The following TLR1 variants were observed in gnomAD, a reference collection of about 807,000 sequenced individuals.
TLR1 encodes toll-like receptor 1.
A neutral mutation model predicts 20.2 loss-of-function variants in TLR1; 19 were observed. That is an observed-to-expected ratio of 0.94 (90% CI 0.66 to 1.38). TLR1 has a LOEUF of 1.38. Among genes scored for constraint, TLR1 ranks in the 40% most tolerant of loss-of-function variants. The probability of loss-of-function intolerance (pLI) is 0.00; values close to 1 mark genes in which losing one functional copy is unlikely to be tolerated. For missense variants in TLR1, 921 were observed against 910.0 expected (o/e 1.01, Z -0.16); for synonymous variants, 320 against 334.5 (o/e 0.96, Z 0.47).
At chr4:38,802,775 A>G (rs892841312) in intron 2 of TLR1, among the ~76,000 whole-genome samples, 27 of 152,226 alleles carry the variant, frequency 1.8e-4, no homozygotes, top group African/African-American at 6.0e-4. Flanking sequence ...TGACTCAGCG[A>G]GTTTAGAGCG....
downstream of TLR1, among the ~76,000 whole-genome samples, chr4:38,788,596 G>C (rs1386847324): frequency 6.6e-6 from 1 of 152,178 alleles, no homozygotes; most frequent in Non-Finnish European, 1.5e-5. Flanking sequence ...CCAGGGCTCT[G>C]CTAGAGCCAG....
intron 2 of TLR1, among the ~76,000 whole-genome samples, chr4:38,801,634 A>T (rs4540055): frequency 0.28 from 43,294 of 152,104 alleles, 6,997 homozygotes; most frequent in East Asian, 0.54. Flanking sequence ...TGATCAGCAC[A>T]GTCAGGCGTG....
At chr4:38,803,565 A>G (rs1219321002) in intron 2 of TLR1, among the ~76,000 whole-genome samples, 1 of 152,104 alleles carries the variant, frequency 6.6e-6, no homozygotes, top group Non-Finnish European at 1.5e-5. Flanking sequence ...AACCATTCTT[A>G]TTTCTATAAT....
In TLR1 at chr4:38,798,687, T is replaced by C. The variant is rs181364215; in HGVS notation, c.145A>G (p.Ile49Val). The C allele has an allele frequency of 1.5e-4, 237 of 1,614,052 alleles. No homozygotes were observed. The highest frequency in any genetic ancestry group is 5.3e-4 in the Admixed American group (32 of 60,024). The change falls in exon 4 of 4, where the codon ATC becomes GTC. Residue 49 changes from isoleucine to valine, a missense_variant. Coordinates refer to ENST00000308979, the MANE Select transcript of TLR1 (RefSeq NM_003263.4). Reference protein sequence around the residue: ...VPKDLSQKTTILNISQNYISE... With the variant: ...VPKDLSQKTTVLNISQNYISE... ...ATATAATTTTGCGATATATTTAAGA[T>C]TGTTGTTTTCTGGGATAGGTCTTTA...
chr4:38,800,683 G>A (rs1726576493), intron 3 of TLR1, 174 bp downstream of exon 3: 1 of 152,622 alleles, frequency 6.6e-6, no homozygotes, highest in Admixed American at 6.5e-5. Flanking sequence ...CATTAGACAA[G>A]CAGGGCATTA....
At chr4:38,795,113 T>C (rs1725951109), downstream of TLR1, among the ~76,000 whole-genome samples, 1 of 152,156 alleles carries the variant, frequency 6.6e-6, no homozygotes, top group African/African-American at 2.4e-5. Flanking sequence ...AGGTATCAAT[T>C]ACACCTCATT....
At chr4:38,795,455 C>G (rs146515970), downstream of TLR1, among the ~76,000 whole-genome samples, 324 of 152,276 alleles carry the variant, frequency 2.1e-3, 2 homozygotes, top group African/African-American at 7.4e-3. Flanking sequence ...AATAGTTCCC[C>G]AAAGAGACAG....
chr4:38,795,179 T>C (rs1725956576), downstream of TLR1, among the ~76,000 whole-genome samples: 1 of 151,658 alleles, frequency 6.6e-6, no homozygotes, highest in Non-Finnish European at 1.5e-5. Context: ...CATCCCGTAG[T>C]GTTATCCCTT....
intron 2 of TLR1, among the ~76,000 whole-genome samples, 194 bp downstream of exon 2, chr4:38,804,112 G>A (rs577540138): frequency 8.9e-4 from 136 of 152,250 alleles, no homozygotes; most frequent in Middle Eastern, 3.4e-3. Context: ...CTTTCTATGC[G>A]GTTTTGTGAA....
Position 38,798,292 on chromosome 4 carries a change from G to T in TLR1, c.540C>A (p.Asp180Glu), listed in dbSNP as rs1206317638. 1 of 1,612,552 alleles carries T rather than the reference G, an allele frequency of 6.2e-7. No individual in the cohort carries two copies. Among genetic ancestry groups the T allele is most frequent in the Non-Finnish European group, 8.5e-7 (1 of 1,179,088 alleles). Residue 180 changes from aspartate to glutamate, a missense_variant, in exon 4 of 4, where the codon GAC becomes GAA. By Grantham distance (45) the Asp-to-Glu change is conservative (BLOSUM62 2). Coordinates refer to ENST00000308979, the MANE Select transcript of TLR1 (RefSeq NM_003263.4). Reference sequence around the variant, plus strand: ...TGTTAAAGTCTTGAAGGCCCTCAGGGTCTTCTTTTTCCCCATAAGTCTCTC... The same window carrying T: ...TGTTAAAGTCTTGAAGGCCCTCAGGTTCTTCTTTTTCCCCATAAGTCTCTC... ...VLGETYGEKE[D>E]PEGLQDFNTE...
downstream of TLR1, among the ~76,000 whole-genome samples, chr4:38,789,282 G>C (rs1461970938): frequency 6.6e-6 from 1 of 152,072 alleles, no homozygotes; most frequent in Non-Finnish European, 1.5e-5. Context: ...TATAAATTAG[G>C]ACTTTAGTTA....
At chr4:38,793,626 T>C (rs556883861), downstream of TLR1, among the ~76,000 whole-genome samples, 1 of 152,344 alleles carries the variant, frequency 6.6e-6, no homozygotes, top group African/African-American at 2.4e-5. Context: ...TATTTATGTA[T>C]AGGACTGATC....
chr4:38,797,229 A>G lies in TLR1; in HGVS notation c.1603T>C (p.Phe535Leu). Residue 535 changes from phenylalanine (F) to leucine (L), a missense_variant, in exon 4 of 4, where the codon TTT (phenylalanine) becomes CTT (leucine). By Grantham distance (22) the Phe-to-Leu change is conservative (BLOSUM62 0). Transcript: ENST00000308979. The stretch of plus-strand genomic sequence containing the variant: ...GATACTTGGTCTATATTTTTGACAA[A>G]TTCTCCTAGCTCACAGGTACATTGG... ...PFQCTCELGEFVKNIDQVSSE... is the reference protein window; with the variant it reads ...PFQCTCELGELVKNIDQVSSE... 1 of 1,614,212 alleles carries G rather than the reference A, an allele frequency of 6.2e-7. No homozygotes were observed. The highest frequency in any genetic ancestry group is 1.7e-5 in the Admixed American group (1 of 60,026).
At position 38,798,217 on chromosome 4, in the gene TLR1, A is replaced by T. The variant is rs1245559349; in HGVS notation, c.615T>A (p.Ile205=). 6.2e-7 allele frequency: 1 copy of T among 1,613,898 alleles called. No homozygotes were observed. Among genetic ancestry groups the T allele is most frequent in the East Asian group, 2.2e-5 (1 of 44,880 alleles). ...CTACAGTCTTGACTGACACATCCAA[A>T]ATAAAATGGAATTCTTTGTTTGTGG... ...VFPTNKEFHF[I]LDVSVKTVAN... is the part of the protein sequence containing the mutation. The change falls in exon 4 of 4, where the codon ATT becomes ATA. Residue 205 remains isoleucine, a synonymous_variant. Coordinates refer to ENST00000308979, the MANE Select transcript of TLR1 (RefSeq NM_003263.4).
downstream of TLR1, among the ~76,000 whole-genome samples, chr4:38,795,903 C>A (rs982982104): frequency 6.6e-6 from 1 of 152,168 alleles, no homozygotes; most frequent in African/African-American, 2.4e-5. Context: ...TCCACCAGCT[C>A]TTTCTGACAT....
chr4:38,788,860 G>A (rs1278858076), downstream of TLR1, among the ~76,000 whole-genome samples: 1 of 152,020 alleles, frequency 6.6e-6, no homozygotes, highest in Non-Finnish European at 1.5e-5. Context: ...ATTTTTAAAT[G>A]AGCCAGGTGT....
chr4:38,798,144 AT>A lies in TLR1; in HGVS notation c.687del (p.Lys229AsnfsTer6). 6.2e-7 allele frequency: 1 copy of A among 1,613,938 alleles called. No homozygotes were observed. Among genetic ancestry groups the A allele is most frequent in the East Asian group, 2.2e-5 (1 of 44,878 alleles). On this transcript the variant is annotated frameshift_variant, in exon 4 of 4. Transcript: ENST00000308979. LOFTEE classifies it low-confidence loss of function (END_TRUNC). ...GCCAGAATACTTAGGAAGTAAGAACATTTGTTATCTTCTAGCACACATTTGA... is the reference window on the plus strand; with the variant it reads ...GCCAGAATACTTAGGAAGTAAGAACATTGTTATCTTCTAGCACACATTTGA... Reference protein sequence around the residue: ...SNIKCVLEDNKCSYFLSILAK... With the variant: ...SNIKCVLEDNXCSYFLSILAK...
downstream of TLR1, among the ~76,000 whole-genome samples, chr4:38,792,523 C>T (rs1725772572): frequency 6.6e-6 from 1 of 152,232 alleles, no homozygotes; most frequent in South Asian, 2.1e-4. Context: ...TCAAGCGATC[C>T]TCCTGCCTCA....
At chr4:38,793,364 A>G (rs1253406891), downstream of TLR1, among the ~76,000 whole-genome samples, 2 of 152,164 alleles carry the variant, frequency 1.3e-5, no homozygotes, top group African/African-American at 4.8e-5. Flanking sequence ...AGTTTAAGTA[A>G]CTTGTCCAAG....
Sources: allele counts gnomAD v4.1 joint callset (sites outside exome capture counted in the v4.1 genomes callset), GRCh38; gene constraint gnomAD v4.1.1; transcripts MANE v1.5; gene names NCBI Gene and HGNC (gene_info 2026-07-23, HGNC 2026-07-21).